ESPL1: variants seen among roughly 807,000 people sequenced by gnomAD.
ESPL1 encodes the protein separin.
In ESPL1, 50 loss-of-function variants were observed where a neutral mutation model predicts 217.2. The ratio of observed to expected loss-of-function variants is 0.23; its 90% CI spans 0.18 to 0.29. The LOEUF (loss-of-function observed/expected upper bound fraction) is 0.29, where lower values mean the gene tolerates loss of function less well. Ranked by LOEUF, ESPL1 falls within the 10% of genes least tolerant of loss-of-function variation. The pLI is 1.00. For synonymous variants in ESPL1, 994 were observed against 1,081.3 expected, an observed-to-expected ratio of 0.92 and a Z score of 1.58; for missense variants, 1,834 against 2,603.0, an observed-to-expected ratio of 0.70 and a Z score of 6.43.
In ESPL1 at chr12:53,292,705, G is replaced by T; in HGVS notation, c.5996+48G>T. The stretch of plus-strand genomic sequence containing the variant: ...TGGGGAGAGGGGCAGTCCTGAGGAT[G>T]GTATCACCATGGGTTGCTTTGGGAC... On this transcript the variant is annotated intron_variant, in intron 29 of 30. Transcript: ENST00000257934. This position sits in a 1 kb window ranked among gnomAD's most constrained non-coding sequence, Gnocchi z 4.5. 1 of 1,598,386 alleles carries T rather than the reference G, an allele frequency of 6.3e-7. No homozygotes were observed.
intron 6 of ESPL1, among the ~76,000 whole-genome samples, chr12:53,273,244 G>T (rs1301313906): frequency 2.0e-5 from 3 of 150,690 alleles, no homozygotes; most frequent in Admixed American, 1.3e-4. Context: ...TCACCATTTT[G>T]GTTGGCCAGG....
In ESPL1 at chr12:53,286,489, G is replaced by A. The variant is rs1240063193; in HGVS notation, c.3753G>A (p.Leu1251=). The A allele has an allele frequency of 6.2e-7, 1 of 1,614,120 alleles. No individual in the cohort carries two copies. Among genetic ancestry groups the A allele is most frequent in the Non-Finnish European group, 8.5e-7 (1 of 1,180,046 alleles). Residue 1251 remains leucine (L), a synonymous_variant, in exon 18 of 31, where the codon CTG becomes CTA. Transcript: ENST00000257934. This position sits in a 1 kb window ranked among gnomAD's most constrained non-coding sequence, Gnocchi z 5.3. The part of the protein sequence containing the change: ...ESLQKVLQSG[L]KFVAARIPHL... ...TGCAGAAGGTTCTACAGTCAGGGCT[G>A]AAGTTTGTAGCAGCACGGATACCCC...
At position 53,282,196 on chromosome 12, in the gene ESPL1, C is replaced by A; in HGVS notation, c.2620-68C>A. Reference sequence around the variant, plus strand: ...CTTCAGGGATGGGGCCACGTAATCTCCAGGGCCTCTCAAGCTCTGGAGTGC... The same window carrying A: ...CTTCAGGGATGGGGCCACGTAATCTACAGGGCCTCTCAAGCTCTGGAGTGC... On this transcript the variant is annotated intron_variant, in intron 13 of 30. Coordinates refer to ENST00000257934, the MANE Select transcript of ESPL1 (RefSeq NM_012291.5). The surrounding 1 kb of genome is among the most constrained non-coding windows in gnomAD (Gnocchi z 4.0). 2 of 1,388,454 alleles carry A rather than the reference C, an allele frequency of 1.4e-6. No homozygotes were observed. Among genetic ancestry groups the A allele is most frequent in the South Asian group, 2.4e-5 (2 of 84,846 alleles). 86.0% of individuals were successfully genotyped at this position (1,388,454 alleles called of 1,614,324 possible). A position where few individuals can be genotyped will look rare whatever the true frequency, so the allele number is the denominator to read the frequency against.
At chr12:53,291,914 T>C in intron 26 of ESPL1, 54 bp downstream of exon 26, 5 of 1,596,252 alleles carry the variant, frequency 3.1e-6, no homozygotes, top group Non-Finnish European at 3.4e-6. Flanking sequence ...TACCAACTCA[T>C]CCCCATGCCC....
rs762256992 is a variant in ESPL1, at chr12:53,276,909, T to C, written c.1940+50T>C. 6.3e-6 allele frequency: 10 copies of C among 1,592,894 alleles called. No homozygotes were observed. In the African/African-American group the frequency reaches 1.3e-4, roughly 21 times the overall value. ...CACTCTTGCTCCTTGCCCTAGGTCC[T>C]CTCACCCTCTTGAGAACCAGTTTCC... On this transcript the variant is annotated intron_variant, in intron 8 of 30. Coordinates refer to ENST00000257934, the MANE Select transcript of ESPL1 (RefSeq NM_012291.5).
chr12:53,288,531 T>A lies in ESPL1; in HGVS notation c.4547-7T>A. Reference sequence around the variant, plus strand: ...AGCACTGTGAAAAAGGCCTGCTCTCTCCCCAGGTGGGAAGACTCCAGCTCC... The same window carrying A: ...AGCACTGTGAAAAAGGCCTGCTCTCACCCCAGGTGGGAAGACTCCAGCTCC... On this transcript the variant is annotated splice_region_variant and splice_polypyrimidine_tract_variant and intron_variant, in intron 19 of 30. Transcript: ENST00000257934. The A allele has an allele frequency of 1.2e-6, 2 of 1,606,444 alleles. No individual in the cohort carries two copies. Among genetic ancestry groups the A allele is most frequent in the East Asian group, 4.5e-5 (2 of 44,842 alleles).
At chr12:53,283,830 G>A (rs1943903186) in intron 16 of ESPL1, among the ~76,000 whole-genome samples, 2 of 152,140 alleles carry the variant, frequency 1.3e-5, no homozygotes, top group Admixed American at 1.3e-4. Flanking sequence ...TTCTTTTATT[G>A]AGGAATGCAG....
intron 8 of ESPL1, 84 bp from the exon 9 acceptor site, chr12:53,276,999 C>T (rs1943776758): frequency 6.4e-7 from 1 of 1,563,986 alleles, no homozygotes; most frequent in East Asian, 2.3e-5. Context: ...AGGGCGAGGC[C>T]AGCTGTTCTG....
intron 22 of ESPL1, 114 bp downstream of exon 22, chr12:53,289,708 T>C: frequency 1.2e-6 from 1 of 850,466 alleles, no homozygotes; most frequent in South Asian, 1.8e-5. Context: ...ATGACCCTTA[T>C]GTCATACCTT....
intron 6 of ESPL1, among the ~76,000 whole-genome samples, chr12:53,273,148 C>T (rs1298404338): frequency 1.3e-5 from 2 of 151,190 alleles, no homozygotes; most frequent in Non-Finnish European, 2.9e-5. Context: ...AAGCAATTCT[C>T]CTGCCTCAGC....
At chr12:53,290,528 G>T in intron 24 of ESPL1, 59 bp downstream of exon 24, 1 of 1,594,888 alleles carries the variant, frequency 6.3e-7, no homozygotes, top group Non-Finnish European at 8.6e-7. Flanking sequence ...GGGTCCCAGT[G>T]ACTTCTCTAC....
chr12:53,270,115 G>A (rs776311865), intron 3 of ESPL1, 30 bp downstream of exon 3: 2 of 1,559,134 alleles, frequency 1.3e-6, no homozygotes, highest in African/African-American at 1.4e-5. Flanking sequence ...GTAGGGTGGG[G>A]ACGTGGTCTG....
chr12:53,282,388 C>T lies in ESPL1; in HGVS notation c.2744C>T (p.Pro915Leu). The stretch of plus-strand genomic sequence containing the variant: ...CTGGTGGCAGCTTACCTTAGCCTCC[C>T]GTCAAACAACCTCTCACACTCCCTG... The part of the protein sequence containing the change: ...LQLVAAYLSL[P>L]SNNLSHSLWE... Residue 915 changes from proline to leucine, a missense_variant, in exon 14 of 31, where the codon CCG becomes CTG. Pro to Leu is a moderately conservative substitution (Grantham distance 98). Transcript: ENST00000257934. The surrounding 1 kb of genome is among the most constrained non-coding windows in gnomAD (Gnocchi z 4.0). The T allele has an allele frequency of 6.2e-7, 1 of 1,614,156 alleles. No individual in the cohort carries two copies. The highest frequency in any genetic ancestry group is 8.5e-7 in the Non-Finnish European group (1 of 1,180,016).
intron 6 of ESPL1, chr12:53,274,392 G>T (rs1215467925): frequency 1.2e-5 from 2 of 172,116 alleles, no homozygotes; most frequent in African/African-American, 4.8e-5. Flanking sequence ...AGGCAGGGAA[G>T]GGTGGGCTGA....
intron 15 of ESPL1, 46 bp from the exon 16 acceptor site, chr12:53,283,336 T>TC (rs746002649): frequency 1.2e-6 from 2 of 1,612,764 alleles, no homozygotes; most frequent in South Asian, 2.2e-5. Context: ...CTCCAGAGGA[T>TC]CCACACTGTG....
intron 25 of ESPL1, among the ~76,000 whole-genome samples, chr12:53,291,232 G>A (rs1426272619): frequency 4.6e-5 from 7 of 151,940 alleles, no homozygotes; most frequent in African/African-American, 7.3e-5. Flanking sequence ...AACCTGGGAG[G>A]CGGAGGTTGC....
intron 5 of ESPL1, among the ~76,000 whole-genome samples, chr12:53,271,498 C>T (rs1943674304): frequency 6.6e-6 from 1 of 151,694 alleles, no homozygotes; most frequent in Non-Finnish European, 1.5e-5. Context: ...CCTGTCTCTA[C>T]TAAAAATAGA....
At position 53,290,228 on chromosome 12, in the gene ESPL1, C is replaced by T. The variant is rs1046709323; in HGVS notation, c.5241+16C>T. On this transcript the variant is annotated intron_variant, in intron 23 of 30. Coordinates refer to ENST00000257934, the MANE Select transcript of ESPL1 (RefSeq NM_012291.5). ...CCAGAACAAGGTAGGATTCCTGGGC[C>T]ATGGAGCAAAGTTGGGCTGGATTGG... The T allele has an allele frequency of 1.9e-6, 3 of 1,613,524 alleles. No homozygotes were observed. Among genetic ancestry groups the T allele is most frequent in the East Asian group, 2.2e-5 (1 of 44,900 alleles).
At chr12:53,284,735 C>T (rs576283917) in intron 17 of ESPL1, among the ~76,000 whole-genome samples, 217 of 151,436 alleles carry the variant, frequency 1.4e-3, no homozygotes, top group Middle Eastern at 3.4e-3. Flanking sequence ...TATTTAGGGC[C>T]GGGCTCGGTG....
Sources: allele counts gnomAD v4.1 joint callset (sites outside exome capture counted in the v4.1 genomes callset), GRCh38; gene constraint gnomAD v4.1.1; non-coding constraint Gnocchi (gnomAD v3.1); transcripts MANE v1.5; gene names NCBI Gene and HGNC (gene_info 2026-07-23, HGNC 2026-07-21).